Variants in DMD observed in about 807,000 individuals in gnomAD.
DMD encodes the protein mutant dystrophin.
In DMD, 63 loss-of-function variants were observed where a neutral mutation model predicts 330.1. That is an observed-to-expected ratio of 0.19 (90% confidence interval 0.16 to 0.24). DMD has a LOEUF of 0.24. Ranked by LOEUF, DMD falls within the 10% of genes least tolerant of loss-of-function variation. The pLI is 1.00. For missense variants in DMD, 3,344 were observed against 2,684.1 expected (o/e 1.25, Z -5.43); for synonymous variants, 1,223 against 959.8 (o/e 1.27, Z -5.07).
intron 74 of DMD, among the ~76,000 whole-genome samples, chrX:31,156,391 A>C (rs139455893): frequency 4.5e-5 from 5 of 111,540 alleles, no homozygotes; most frequent in Non-Finnish European, 9.5e-5. Context: ...GAAAAAAATA[A>C]AAGCTTTGCC....
intron 44 of DMD, among the ~76,000 whole-genome samples, chrX:32,023,146 T>C (rs986584638): frequency 1.8e-5 from 2 of 111,565 alleles, no homozygotes; most frequent in Non-Finnish European, 3.8e-5. Context: ...TTGGTATAAT[T>C]CTTCCATTCA....
intron 2 of DMD, among the ~76,000 whole-genome samples, chrX:32,941,811 C>T (rs769671424): frequency 9.0e-6 from 1 of 111,063 alleles, no homozygotes; most frequent in Non-Finnish European, 1.9e-5. Context: ...AATGAGGCAA[C>T]CCTGTCACGA....
At chrX:32,508,697 T>C (rs981930828) in intron 18 of DMD, among the ~76,000 whole-genome samples, 1 of 112,225 alleles carries the variant, frequency 8.9e-6, no homozygotes, top group African/African-American at 3.2e-5. Context: ...CTAGGAATAA[T>C]TAAGCTGAGA....
chrX:31,925,910 T>C (rs1486866391), intron 47 of DMD, among the ~76,000 whole-genome samples: 1 of 105,896 alleles, frequency 9.4e-6, no homozygotes, highest in African/African-American at 3.4e-5. Flanking sequence ...TCCTAATAAA[T>C]ATATAAAAAT....
chrX:32,366,981 G>A (rs1352708736), intron 34 of DMD, among the ~76,000 whole-genome samples: 1 of 112,117 alleles, frequency 8.9e-6, no homozygotes, highest in Admixed American at 9.5e-5. Flanking sequence ...ACACAGGTGA[G>A]CTTAGCAATT....
At chrX:32,343,344 C>T in intron 39 of DMD, 58 bp from the exon 40 acceptor site, 1 of 1,038,820 alleles carries the variant, frequency 9.6e-7, no homozygotes, top group Non-Finnish European at 1.3e-6. Flanking sequence ...GCACTTCTGG[C>T]TGCAGTTATT....
intron 42 of DMD, among the ~76,000 whole-genome samples, chrX:32,299,737 C>A (rs1042335091): frequency 9.0e-6 from 1 of 110,762 alleles, no homozygotes; most frequent in Non-Finnish European, 1.9e-5. Flanking sequence ...AATAATACAG[C>A]CTTCCTTGTA....
At chrX:32,610,193 G>C (rs1348546466) in intron 12 of DMD, among the ~76,000 whole-genome samples, 1 of 110,735 alleles carries the variant, frequency 9.0e-6, no homozygotes, top group Non-Finnish European at 1.9e-5. Context: ...GGTTCGATTT[G>C]TTTACTCCCC....
At chrX:32,750,725 A>T (rs188499453) in intron 7 of DMD, among the ~76,000 whole-genome samples, 20 of 111,186 alleles carry the variant, frequency 1.8e-4, no homozygotes, top group African/African-American at 6.5e-4. Flanking sequence ...CTTTCCTCTG[A>T]TTGATCTCCA....
At chrX:31,214,937 C>CTTTTTTTTTTTTTTTTTT (rs761569710) in intron 64 of DMD, among the ~76,000 whole-genome samples, 10 of 38,101 alleles carry the variant, frequency 2.6e-4, no homozygotes, top group African/African-American at 3.5e-4. Flanking sequence ...TTTCTTTTTT[C>CTTTTTTTTTTTTTTTTTT]TTTTTTTTTT....
chrX:31,761,041 A>G (rs186455058), intron 51 of DMD, among the ~76,000 whole-genome samples: 2,361 of 99,490 alleles, frequency 0.024, 76 homozygotes, highest in African/African-American at 0.085. Flanking sequence ...ACCCACCACC[A>G]CGCCTGGCTA....
At chrX:31,372,869 G>A (rs200035649) in intron 60 of DMD, among the ~76,000 whole-genome samples, 1 of 111,416 alleles carries the variant, frequency 9.0e-6, no homozygotes, top group East Asian at 2.8e-4. Context: ...ATTAGGAAAA[G>A]AGGAAGTCAA....
At chrX:32,457,039 G>T (rs920476775) in intron 25 of DMD, among the ~76,000 whole-genome samples, 1 of 104,817 alleles carries the variant, frequency 9.5e-6, no homozygotes, top group Non-Finnish European at 2.0e-5. Flanking sequence ...AAGTTGACCC[G>T]GAGAGTGGGT....
intron 1 of DMD, among the ~76,000 whole-genome samples, chrX:33,103,052 A>G (rs775932127): frequency 9.0e-6 from 1 of 111,576 alleles, no homozygotes; most frequent in Non-Finnish European, 1.9e-5. Flanking sequence ...TCAGAGTTCT[A>G]TTGGAATGGA....
chrX:32,934,554 G>A (rs2089844341), intron 2 of DMD, among the ~76,000 whole-genome samples: 1 of 110,372 alleles, frequency 9.1e-6, no homozygotes, highest in South Asian at 3.9e-4. Flanking sequence ...TGCTACACTG[G>A]GCCCCAAGAT....
At chrX:33,001,961 T>C (rs1441810049) in intron 2 of DMD, among the ~76,000 whole-genome samples, 2 of 111,712 alleles carry the variant, frequency 1.8e-5, no homozygotes, top group Non-Finnish European at 1.9e-5. Context: ...TACTAACAAA[T>C]TTTACTATAG....
chrX:32,191,037 A>G (rs1266809603), intron 44 of DMD, among the ~76,000 whole-genome samples: 3 of 110,729 alleles, frequency 2.7e-5, no homozygotes, highest in Non-Finnish European at 3.8e-5. Context: ...ACAAATTCCC[A>G]TGTATAACTC....
At chrX:31,278,650 AC>A (rs1225467275) in intron 62 of DMD, among the ~76,000 whole-genome samples, 1 of 112,242 alleles carries the variant, frequency 8.9e-6, no homozygotes, top group Non-Finnish European at 1.9e-5. Context: ...AGCTCACACT[AC>A]TATACACAAC....
chrX:31,574,130 G>GT (rs2075964819), intron 55 of DMD, among the ~76,000 whole-genome samples: 1 of 95,857 alleles, frequency 1.0e-5, no homozygotes, highest in African/African-American at 3.8e-5. Flanking sequence ...AGGATGATCT[G>GT]TTTGTTTTTT....
Sources: gnomAD v4.1 joint callset for allele counts (sites outside exome capture counted in the v4.1 genomes callset) on GRCh38, gnomAD v4.1.1 for gene constraint, MANE v1.5 for transcripts, NCBI Gene and HGNC (gene_info 2026-07-23, HGNC 2026-07-21) for gene names.